The following BLM variants were observed in gnomAD, a reference collection of about 807,000 sequenced individuals.
BLM encodes recQ-like DNA helicase BLM.
A neutral mutation model predicts 135.3 loss-of-function variants in BLM; 95 were observed. That is an observed-to-expected ratio of 0.70 (90% CI 0.59 to 0.83). BLM has a LOEUF of 0.83. Ranked by LOEUF, BLM falls within the 40% of genes least tolerant of loss-of-function variation. The pLI, the probability that BLM is intolerant of heterozygous loss-of-function variation, is 0.00. For synonymous variants in BLM, 520 were observed against 589.2 expected, an observed-to-expected ratio of 0.88 and a Z score of 1.70; for missense variants, 1,518 against 1,663.9, an observed-to-expected ratio of 0.91 and a Z score of 1.53.
intron 1 of BLM, among the ~76,000 whole-genome samples, chr15:90,741,703 G>A (rs1337774315): frequency 6.6e-6 from 1 of 152,100 alleles, no homozygotes; most frequent in African/African-American, 2.4e-5. Context: ...TGTTATGACT[G>A]ATTTTCTTTG....
At chr15:90,803,479 T>C (rs1215525377) in intron 17 of BLM, 42 bp from the exon 18 acceptor site, 1 of 1,562,838 alleles carries the variant, frequency 6.4e-7, no homozygotes, top group South Asian at 1.1e-5. Context: ...GGTGATGATA[T>C]ACGTACATTT....
Position 90,804,370 on chromosome 15 carries a change from A to G in BLM, c.3751+11A>G, listed in dbSNP as rs1275107089. The G allele has an allele frequency of 1.2e-6, 2 of 1,608,814 alleles. No homozygotes were observed. The highest frequency in any genetic ancestry group is 1.3e-5 in the African/African-American group (1 of 74,942). ...TCAAGAAGCTTGCAGGTGGGTACAC[A>G]TGTATCCTTTGTTACGTGGCACAGA... On this transcript the variant is annotated intron_variant, in intron 19 of 21. Transcript: ENST00000355112.
At chr15:90,802,670 C>T (rs1192150651) in intron 17 of BLM, among the ~76,000 whole-genome samples, 1 of 152,136 alleles carries the variant, frequency 6.6e-6, no homozygotes, top group Non-Finnish European at 1.5e-5. Context: ...TAGCCAGGCT[C>T]AGTGGCTCAT....
chr15:90,768,272 G>A (rs1000777093), intron 10 of BLM, among the ~76,000 whole-genome samples: 4 of 152,066 alleles, frequency 2.6e-5, no homozygotes, highest in East Asian at 1.9e-4. Context: ...GCATGAACTC[G>A]ACTTCTTAAT....
chr15:90,805,327 G>A (rs1056854613), intron 19 of BLM, among the ~76,000 whole-genome samples: 56 of 151,732 alleles, frequency 3.7e-4, no homozygotes, highest in Non-Finnish European at 1.8e-4. Context: ...TATAATCAAA[G>A]TAAATGGTGG....
chr15:90,775,965 C>T (rs528206250), intron 12 of BLM, among the ~76,000 whole-genome samples: 45 of 152,142 alleles, frequency 3.0e-4, no homozygotes, highest in Non-Finnish European at 5.1e-4. Context: ...ATAGTGTGGA[C>T]TACAGGTCCA....
intron 15 of BLM, among the ~76,000 whole-genome samples, chr15:90,793,260 G>A (rs1022165262): frequency 2.0e-5 from 3 of 150,416 alleles, no homozygotes; most frequent in South Asian, 2.1e-4. Flanking sequence ...TCAGCCTCCC[G>A]ACTAGCAGGG....
At chr15:90,777,563 T>G (rs758947029) in intron 12 of BLM, among the ~76,000 whole-genome samples, 2 of 146,892 alleles carry the variant, frequency 1.4e-5, no homozygotes, top group Non-Finnish European at 3.1e-5. Context: ...CACAACACTT[T>G]GAAAAGACAT....
chr15:90,789,062 T>TAA (rs1491005850), intron 14 of BLM, among the ~76,000 whole-genome samples: 1 of 143,560 alleles, frequency 7.0e-6, no homozygotes, highest in Non-Finnish European at 1.5e-5. Context: ...TATATATATA[T>TAA]AACTTTGATA....
chr15:90,787,570 C>T (rs1380478877), intron 14 of BLM, among the ~76,000 whole-genome samples: 1 of 151,790 alleles, frequency 6.6e-6, no homozygotes, highest in African/African-American at 2.4e-5. Context: ...GTTTAGTATC[C>T]CGAGAAAGAT....
At chr15:90,761,643 C>T (rs28385015) in intron 7 of BLM, among the ~76,000 whole-genome samples, 8,161 of 152,044 alleles carry the variant, frequency 0.054, 331 homozygotes, top group Non-Finnish European at 0.076. Flanking sequence ...TGATGAGAAT[C>T]GATTAATACA....
chr15:90,812,277 C>T (rs768748314), intron 21 of BLM, among the ~76,000 whole-genome samples: 3 of 152,112 alleles, frequency 2.0e-5, no homozygotes, highest in Non-Finnish European at 4.4e-5. Context: ...GAAGCCACAA[C>T]AGAGAAACCA....
At chr15:90,788,402 T>G (rs1297774939) in intron 14 of BLM, among the ~76,000 whole-genome samples, 1 of 151,928 alleles carries the variant, frequency 6.6e-6, no homozygotes, top group African/African-American at 2.4e-5. Context: ...CACTCATTTG[T>G]CTTCACTGAA....
At chr15:90,750,164 C>T in intron 3 of BLM, 97 bp downstream of exon 3, 3 of 1,356,874 alleles carry the variant, frequency 2.2e-6, no homozygotes, top group Non-Finnish European at 3.1e-6. Flanking sequence ...AGCTTTTGTC[C>T]TTAAGGTTGT....
intron 21 of BLM, among the ~76,000 whole-genome samples, chr15:90,812,352 G>A (rs1897443388): frequency 6.6e-6 from 1 of 152,178 alleles, no homozygotes; most frequent in Admixed American, 6.5e-5. Flanking sequence ...CCCTTCCCAT[G>A]TTTTCCTGGG....
rs536721935 is a variant in BLM, at chr15:90,812,807, T to G, written c.4076+1401T>G. On this transcript the variant is annotated intron_variant, in intron 21 of 21. Transcript: ENST00000355112. The stretch of plus-strand genomic sequence containing the variant: ...CTTGTTAAGTCCATAAACAAAATCT[T>G]GTATGTGCTAATCCTCCTGCCAGAG... Among the ~76,000 whole-genome samples, 40 of 152,308 alleles carry G rather than the reference T, an allele frequency of 2.6e-4. No individual in the cohort carries two copies. In the South Asian group the frequency reaches 5.8e-3, roughly 22 times the overall value.
rs1163422761 is a variant in BLM at position 90,789,061 on chromosome 15, AT to A, written c.2824-1587del. On this transcript the variant is annotated intron_variant, in intron 14 of 21. Transcript: ENST00000355112. ...AATGGAGATATATATATATATATAT[AT>A]AACTTTGATAAAAAATATGGTTAAA... is the stretch of plus-strand genomic sequence containing the variant. Among the ~76,000 whole-genome samples, 739 of 149,380 alleles carry A rather than the reference AT, an allele frequency of 4.9e-3. 7 individuals are homozygous for A. Among genetic ancestry groups the A allele is most frequent in the African/African-American group, 0.018 (719 of 39,944 alleles).
intron 12 of BLM, among the ~76,000 whole-genome samples, chr15:90,776,520 TTTG>T (rs1896481402): frequency 1.3e-5 from 2 of 152,286 alleles, no homozygotes; most frequent in Admixed American, 6.5e-5. Flanking sequence ...TAATAACTTT[TTTG>T]TTGTTGTTTT....
intron 20 of BLM, among the ~76,000 whole-genome samples, chr15:90,810,028 T>G (rs984800269): frequency 2.6e-5 from 4 of 151,200 alleles, no homozygotes; most frequent in Non-Finnish European, 5.9e-5. Context: ...ATGATGGAAA[T>G]GATGAGCAGG....
Sources: gnomAD v4.1 joint callset for allele counts (sites outside exome capture counted in the v4.1 genomes callset) on GRCh38, gnomAD v4.1.1 for gene constraint, MANE v1.5 for transcripts, NCBI Gene and HGNC (gene_info 2026-07-23, HGNC 2026-07-21) for gene names.